ABCA4: variants seen among roughly 807,000 people sequenced by gnomAD.
ABCA4 encodes the protein retinal-specific phospholipid-transporting ATPase ABCA4.
In ABCA4, 196 loss-of-function variants were observed where a neutral mutation model predicts 263.7. That is an observed-to-expected ratio of 0.74 (90% CI 0.66 to 0.84). ABCA4 has a LOEUF of 0.84. Among genes scored for constraint, ABCA4 ranks in the 40% least tolerant of loss-of-function variants. The pLI, the probability that ABCA4 is intolerant of heterozygous loss-of-function variation, is 0.00. For synonymous variants in ABCA4, 1,133 were observed against 1,094.2 expected (o/e 1.04, Z -0.70); for missense variants, 2,792 against 2,855.1 (o/e 0.98, Z 0.50).
intron 11 of ABCA4, among the ~76,000 whole-genome samples, chr1:94,074,360 T>C (rs994361184): frequency 1.3e-5 from 2 of 152,124 alleles, no homozygotes; most frequent in Non-Finnish European, 2.9e-5. Context: ...ATACAAAAAT[T>C]AACTCAAGCT....
intron 48 of ABCA4, 88 bp from the exon 49 acceptor site, chr1:93,996,283 CA>C: frequency 3.9e-6 from 4 of 1,014,432 alleles, no homozygotes; most frequent in East Asian, 4.9e-5. Context: ...CTCTATTTTC[CA>C]CAGTTCACAT....
intron 30 of ABCA4, among the ~76,000 whole-genome samples, chr1:94,026,855 C>T (rs556513638): frequency 2.2e-4 from 34 of 152,092 alleles, no homozygotes; most frequent in African/African-American, 8.0e-4. Flanking sequence ...GGACTTATTC[C>T]AGGCTGAATG....
rs1227986044 is a variant in ABCA4 at position 94,079,365 on chromosome 1, A to G, written c.1196T>C (p.Leu399Pro). 2 of 1,614,088 alleles carry G rather than the reference A, an allele frequency of 1.2e-6. No homozygotes were observed. Among genetic ancestry groups the G allele is most frequent in the East Asian group, 4.5e-5 (2 of 44,900 alleles). Residue 399 changes from leucine to proline, a missense_variant, in exon 9 of 50, where the codon CTG becomes CCG. Transcript: ENST00000370225. ...TGCTGCAGGTGAATCAGGAGTGTACAGGATTTTTCCCATCAGCAAAGGCTT... is the reference window on the plus strand; with the variant it reads ...TGCTGCAGGTGAATCAGGAGTGTACGGGATTTTTCCCATCAGCAAAGGCTT... ...AAKPLLMGKI[L>P]YTPDSPAARR...
chr1:94,047,842 C>T (rs1247729192), intron 18 of ABCA4, among the ~76,000 whole-genome samples: 2 of 152,190 alleles, frequency 1.3e-5, no homozygotes, highest in African/African-American at 4.8e-5. Flanking sequence ...ACCGAGTGCT[C>T]TCACTTCTCC....
chr1:94,026,938 GAA>G (rs1557770966), intron 30 of ABCA4, among the ~76,000 whole-genome samples: 1 of 152,058 alleles, frequency 6.6e-6, no homozygotes, highest in Non-Finnish European at 1.5e-5. Flanking sequence ...GTGTGTGTGA[GAA>G]AGAGAGAGAG....
At chr1:94,037,428 T>A (rs1237814155) in intron 24 of ABCA4, 78 bp from the exon 25 acceptor site, 15 of 1,258,164 alleles carry the variant, frequency 1.2e-5, no homozygotes, top group South Asian at 2.4e-5. Context: ...GATTTCCTAC[T>A]TCTCTCCACT....
chr1:94,040,211 C>T lies in ABCA4; in HGVS notation c.3523-84G>A, dbSNP rs551820884. Reference sequence around the variant, plus strand: ...CCTGATGCCAGCTGCTGTCACCGCCCGCTTTATTTATTTCTCACTGCCAAG... The same window carrying T: ...CCTGATGCCAGCTGCTGTCACCGCCTGCTTTATTTATTTCTCACTGCCAAG... On this transcript the variant is annotated intron_variant, in intron 23 of 49. Coordinates refer to ENST00000370225, the MANE Select transcript of ABCA4 (RefSeq NM_000350.3). The T allele has an allele frequency of 2.9e-5, 32 of 1,113,136 alleles. 1 individual carries two copies. Among genetic ancestry groups the T allele is most frequent in the African/African-American group, 2.0e-4 (13 of 64,714 alleles). The allele number at this position is 1,113,136 out of a possible 1,614,324, so 69.0% of individuals were successfully genotyped here.
At chr1:94,111,316 A>T (rs1188155063) in intron 3 of ABCA4, 122 bp downstream of exon 3, 2 of 1,344,152 alleles carry the variant, frequency 1.5e-6, no homozygotes, top group South Asian at 1.3e-5. Flanking sequence ...CTAAGAGGTT[A>T]GGGGCTCAGC....
chr1:94,120,892 AC>A, intron 1 of ABCA4, 87 bp downstream of exon 1: 2 of 125,120 alleles, frequency 1.6e-5, no homozygotes, highest in Non-Finnish European at 1.6e-5. Flanking sequence ...ACCCTGCCCC[AC>A]CACCCTACCC....
chr1:94,010,606 G>T (rs1327102185), intron 40 of ABCA4, 194 bp downstream of exon 40: 1 of 756,342 alleles, frequency 1.3e-6, no homozygotes, highest in South Asian at 1.5e-5. Context: ...TAAAGTGGAT[G>T]CTCTTCACAT....
chr1:94,011,234 T>C (rs1462897695), intron 39 of ABCA4, 28 bp downstream of exon 39: 1 of 1,613,822 alleles, frequency 6.2e-7, no homozygotes. Flanking sequence ...CCAGGGCCCA[T>C]GCTCCATGGG....
intron 31 of ABCA4, among the ~76,000 whole-genome samples, chr1:94,024,163 T>A (rs1334658311): frequency 6.6e-6 from 1 of 152,238 alleles, no homozygotes; most frequent in East Asian, 1.9e-4. Flanking sequence ...TTCAGGGCTC[T>A]GGCAGGTGAA....
intron 11 of ABCA4, among the ~76,000 whole-genome samples, chr1:94,076,427 C>T (rs971657151): frequency 6.6e-6 from 1 of 152,180 alleles, no homozygotes; most frequent in Non-Finnish European, 1.5e-5. Context: ...CTCTTGGATC[C>T]TCCTGAACTT....
At chr1:94,112,723 A>C (rs1662644458) in intron 2 of ABCA4, among the ~76,000 whole-genome samples, 1 of 152,214 alleles carries the variant, frequency 6.6e-6, no homozygotes, top group African/African-American at 2.4e-5. Flanking sequence ...TGAGCCCAAG[A>C]GATAGAAGCT....
chr1:94,052,971 A>G (rs1660879943), intron 16 of ABCA4, among the ~76,000 whole-genome samples: 1 of 152,234 alleles, frequency 6.6e-6, no homozygotes, highest in African/African-American at 2.4e-5. Flanking sequence ...ACACATGTGA[A>G]GAATGGAACT....
At chr1:94,027,561 T>C (rs530802494) in intron 30 of ABCA4, among the ~76,000 whole-genome samples, 3 of 152,332 alleles carry the variant, frequency 2.0e-5, no homozygotes, top group South Asian at 4.1e-4. Context: ...TGAGCTGTGA[T>C]TCAAAGAGAG....
intron 20 of ABCA4, among the ~76,000 whole-genome samples, chr1:94,044,081 C>T (rs1660600682): frequency 7.1e-6 from 1 of 141,626 alleles, no homozygotes; most frequent in South Asian, 2.5e-4. Flanking sequence ...TTCTCCCCTC[C>T]CTCCCTCCCT....
chr1:94,074,361 A>C (rs1488022989), intron 11 of ABCA4, among the ~76,000 whole-genome samples: 5 of 152,232 alleles, frequency 3.3e-5, no homozygotes, highest in African/African-American at 1.2e-4. Flanking sequence ...TACAAAAATT[A>C]ACTCAAGCTG....
At chr1:94,039,696 G>T (rs1248435243) in intron 24 of ABCA4, among the ~76,000 whole-genome samples, 1 of 152,212 alleles carries the variant, frequency 6.6e-6, no homozygotes, top group African/African-American at 2.4e-5. Context: ...CCACTAGAGG[G>T]CGCCACGGCA....
Sources: gnomAD v4.1 joint callset for allele counts (sites outside exome capture counted in the v4.1 genomes callset) on GRCh38, gnomAD v4.1.1 for gene constraint, MANE v1.5 for transcripts, NCBI Gene and HGNC (gene_info 2026-07-23, HGNC 2026-07-21) for gene names.